Variants in PTPRD observed in about 807,000 individuals in gnomAD.
PTPRD encodes the protein protein tyrosine phosphatase receptor type D, also known as receptor-type tyrosine-protein phosphatase delta.
In PTPRD, 34 loss-of-function variants were observed where a neutral mutation model predicts 214.5. The observed-to-expected ratio is 0.16, with a 90% CI of 0.12 to 0.21. The LOEUF (loss-of-function observed/expected upper bound fraction) is 0.21, where lower values mean the gene tolerates loss of function less well. Among genes scored for constraint, PTPRD ranks in the 10% least tolerant of loss-of-function variants. PTPRD has a pLI of 1.00. For synonymous variants in PTPRD, 1,128 were observed against 845.7 expected, an observed-to-expected ratio of 1.33 and a Z score of -5.79; for missense variants, 2,545 against 2,398.7, an observed-to-expected ratio of 1.06 and a Z score of -1.27.
At chr9:10,068,510 C>T (rs1005301130) in intron 3 of PTPRD, among the ~76,000 whole-genome samples, 7 of 151,832 alleles carry the variant, frequency 4.6e-5, no homozygotes, top group Non-Finnish European at 1.0e-4. Flanking sequence ...ATTTCATCTA[C>T]GTAATATGGG....
At chr9:8,750,319 G>A (rs373832995) in intron 11 of PTPRD, among the ~76,000 whole-genome samples, 13 of 151,916 alleles carry the variant, frequency 8.6e-5, no homozygotes, top group South Asian at 6.2e-4. Flanking sequence ...CACCACGCCC[G>A]GCTAATTTTT....
intron 11 of PTPRD, among the ~76,000 whole-genome samples, chr9:8,934,885 T>G (rs2098986093): frequency 6.6e-6 from 1 of 152,078 alleles, no homozygotes; most frequent in African/African-American, 2.4e-5. Flanking sequence ...GTGCCTGTCT[T>G]ATTTCACTTA....
At chr9:8,688,578 A>AAAAC (rs1555139604) in intron 12 of PTPRD, among the ~76,000 whole-genome samples, 1 of 151,244 alleles carries the variant, frequency 6.6e-6, no homozygotes, top group African/African-American at 2.4e-5. Flanking sequence ...AAAAAAAAAA[A>AAAAC]AGAAAAAAAT....
chr9:8,593,967 T>A (rs2094307798), intron 14 of PTPRD, among the ~76,000 whole-genome samples: 1 of 152,192 alleles, frequency 6.6e-6, no homozygotes, highest in Non-Finnish European at 1.5e-5. Flanking sequence ...TATGCATATC[T>A]CATATATTCA....
At chr9:9,665,051 ATATT>A (rs1422602281) in intron 7 of PTPRD, among the ~76,000 whole-genome samples, 1 of 151,690 alleles carries the variant, frequency 6.6e-6, no homozygotes, top group African/African-American at 2.4e-5. Flanking sequence ...TCATATGTGT[ATATT>A]TGTTTGTATT....
intron 2 of PTPRD, among the ~76,000 whole-genome samples, chr9:10,494,925 G>T (rs1328117649): frequency 1.3e-5 from 2 of 151,552 alleles, no homozygotes; most frequent in Admixed American, 6.6e-5. Flanking sequence ...TTGACATACA[G>T]ATTTGGTAAT....
At chr9:9,851,524 A>C (rs1346219525) in intron 5 of PTPRD, among the ~76,000 whole-genome samples, 3 of 152,244 alleles carry the variant, frequency 2.0e-5, no homozygotes, top group Non-Finnish European at 4.4e-5. Flanking sequence ...AACTATCTGC[A>C]TGATAATATT....
At chr9:9,896,661 C>G (rs1385597638) in intron 5 of PTPRD, among the ~76,000 whole-genome samples, 1 of 151,912 alleles carries the variant, frequency 6.6e-6, no homozygotes, top group Non-Finnish European at 1.5e-5. Context: ...GAGGATCAGT[C>G]TAAGAAGCTA....
chr9:10,302,859 G>A (rs534361457), intron 3 of PTPRD, among the ~76,000 whole-genome samples: 33 of 152,158 alleles, frequency 2.2e-4, no homozygotes, highest in African/African-American at 7.2e-4. Context: ...GATCAAGACA[G>A]AAAATTAACA....
rs558183334 is a variant in PTPRD at position 10,397,761 on chromosome 9, G to C, written c.-599-56744C>G. 6.7e-4 allele frequency among the ~76,000 whole-genome samples: 102 copies of C among 152,084 alleles called. 1 individual carries two copies. The highest frequency in any genetic ancestry group is 2.4e-3 in the African/African-American group (101 of 41,546). On this transcript the variant is annotated intron_variant, in intron 2 of 45. Transcript: ENST00000381196. ...GAGTGAAACCTACAAGTGGTGGGAA[G>C]AAAAGGGGTATTTGAGCTGGAGGAT...
intron 3 of PTPRD, among the ~76,000 whole-genome samples, chr9:10,290,164 G>A (rs1242527731): frequency 6.6e-6 from 1 of 152,088 alleles, no homozygotes; most frequent in African/African-American, 2.4e-5. Flanking sequence ...GTGAGTGGGT[G>A]GTTGCTGCTA....
At chr9:9,267,760 A>G (rs1423041134) in intron 9 of PTPRD, among the ~76,000 whole-genome samples, 1 of 151,000 alleles carries the variant, frequency 6.6e-6, no homozygotes, top group Non-Finnish European at 1.5e-5. Flanking sequence ...CCACATCAAC[A>G]GGATGAATTA....
At chr9:10,422,127 A>G (rs982199202) in intron 2 of PTPRD, among the ~76,000 whole-genome samples, 2 of 152,024 alleles carry the variant, frequency 1.3e-5, no homozygotes, top group Non-Finnish European at 2.9e-5. Context: ...GACCAATGGA[A>G]CAGAACAGAG....
intron 11 of PTPRD, among the ~76,000 whole-genome samples, chr9:8,762,400 G>A (rs1358036309): frequency 1.3e-5 from 2 of 152,138 alleles, no homozygotes; most frequent in Non-Finnish European, 2.9e-5. Context: ...GCAGAAGTCA[G>A]CTATGTTGAT....
At chr9:8,497,404 G>T in intron 25 of PTPRD, 136 bp from the exon 26 acceptor site, 1 of 627,758 alleles carries the variant, frequency 1.6e-6, no homozygotes, top group Non-Finnish European at 2.5e-6. Context: ...AAATTCCAAA[G>T]AATGTGTGAT....
intron 27 of PTPRD, among the ~76,000 whole-genome samples, chr9:8,491,449 G>A (rs867897217): frequency 2.6e-5 from 4 of 152,094 alleles, no homozygotes; most frequent in Non-Finnish European, 4.4e-5. Context: ...GGGGAGTGGT[G>A]CTTCATATAA....
intron 14 of PTPRD, among the ~76,000 whole-genome samples, chr9:8,606,197 G>A (rs2095201001): frequency 6.6e-6 from 1 of 152,096 alleles, no homozygotes; most frequent in Non-Finnish European, 1.5e-5. Flanking sequence ...GGAAAAGAAA[G>A]GAGGGAAAAG....
intron 12 of PTPRD, among the ~76,000 whole-genome samples, chr9:8,649,345 C>T (rs1175168549): frequency 6.6e-6 from 1 of 152,188 alleles, no homozygotes; most frequent in Non-Finnish European, 1.5e-5. Flanking sequence ...TGAGTTATTA[C>T]CACAACTTAC....
chr9:8,316,914 C>CTAT lies in PTPRD; in HGVS notation c.*957_*959dup, dbSNP rs1822249320. The CTAT allele has an allele frequency of 4.4e-6, 1 of 226,926 alleles. No homozygotes were observed. The highest frequency in any genetic ancestry group is 1.9e-4 in the South Asian group (1 of 5,390). The allele number at this position is 226,926 out of a possible 1,614,324, so 14.1% of individuals were successfully genotyped here. On this transcript the variant is annotated 3_prime_UTR_variant, in exon 46 of 46. Transcript: ENST00000381196. ...AGAACTGACTGACTGATAACTGTAT[C>CTAT]TATTTTTTGTGTGGACACACTGTCT...
Sources: allele counts gnomAD v4.1 joint callset (sites outside exome capture counted in the v4.1 genomes callset), GRCh38; gene constraint gnomAD v4.1.1; transcripts MANE v1.5; gene names NCBI Gene and HGNC (gene_info 2026-07-23, HGNC 2026-07-21).